FUT8: variants seen among roughly 807,000 people sequenced by gnomAD.
The protein encoded by FUT8 is alpha-(1,6)-fucosyltransferase.
In FUT8, 29 loss-of-function variants were observed where a neutral mutation model predicts 71.3. That is an observed-to-expected ratio of 0.41 (90% CI 0.30 to 0.55). FUT8 has a LOEUF of 0.55. Ranked by LOEUF, FUT8 falls within the 20% of genes least tolerant of loss-of-function variation. The pLI, the probability that FUT8 is intolerant of heterozygous loss-of-function variation, is 0.34. For missense variants in FUT8, 544 were observed against 702.1 expected (o/e 0.77, Z 2.55); for synonymous variants, 254 against 239.3 (o/e 1.06, Z -0.57).
chr14:65,455,459 A>T (rs1244780908), intron 1 of FUT8, among the ~76,000 whole-genome samples, 162 bp from the exon 2 acceptor site: 1 of 152,202 alleles, frequency 6.6e-6, no homozygotes, highest in Admixed American at 6.5e-5. Flanking sequence ...TTTTGTTGAC[A>T]TTTGGAAAGT....
rs1175231076 is a variant in FUT8 at position 65,603,725 on chromosome 14, C to T, written c.204-12253C>T. 6.6e-6 allele frequency among the ~76,000 whole-genome samples: 1 copy of T among 151,596 alleles called. No individual in the cohort carries two copies. The highest frequency in any genetic ancestry group is 1.5e-5 in the Non-Finnish European group (1 of 67,848). On this transcript the variant is annotated intron_variant, in intron 3 of 10. Transcript: ENST00000673929. This position sits in a 1 kb window ranked among gnomAD's most constrained non-coding sequence, Gnocchi z 4.5. ...TAAAAAAAAATCCAAGGTATACAGGCAACAGATAGGACGATGAATGGAATA... is the reference window on the plus strand; with the variant it reads ...TAAAAAAAAATCCAAGGTATACAGGTAACAGATAGGACGATGAATGGAATA...
the FUT8 span, among the ~76,000 whole-genome samples, chr14:65,374,307 G>T: frequency 6.6e-6 from 1 of 152,056 alleles, no homozygotes; most frequent in East Asian, 1.9e-4. Flanking sequence ...TTATTTTATT[G>T]GTTTATATAC....
chr14:65,722,194 T>C (rs990188980), intron 8 of FUT8, among the ~76,000 whole-genome samples, 173 bp downstream of exon 8: 1 of 152,232 alleles, frequency 6.6e-6, no homozygotes, highest in Admixed American at 6.5e-5. Flanking sequence ...TTTGTTTGTT[T>C]ACTTAGAACA....
intron 7 of FUT8, among the ~76,000 whole-genome samples, chr14:65,671,477 C>G (rs1353882631): frequency 6.6e-6 from 1 of 152,098 alleles, no homozygotes; most frequent in African/African-American, 2.4e-5. Flanking sequence ...AAATGACTTA[C>G]CCAGGGTCAT....
intron 3 of FUT8, among the ~76,000 whole-genome samples, chr14:65,601,308 T>C (rs1888276779): frequency 1.3e-5 from 2 of 152,216 alleles, no homozygotes; most frequent in African/African-American, 2.4e-5. Flanking sequence ...CAAACTCTTA[T>C]AAAGCTTGAC....
At chr14:65,446,752 T>G (rs1214855889) in intron 1 of FUT8, among the ~76,000 whole-genome samples, 1 of 151,856 alleles carries the variant, frequency 6.6e-6, no homozygotes, top group Non-Finnish European at 1.5e-5. Flanking sequence ...CAAATTGTTG[T>G]TACATCTTTG....
chr14:65,453,934 C>A (rs1010809361), intron 1 of FUT8, among the ~76,000 whole-genome samples: 2 of 152,126 alleles, frequency 1.3e-5, no homozygotes, highest in Non-Finnish European at 2.9e-5. Flanking sequence ...CTTTGAATTT[C>A]CCTCTTGGCA....
intron 2 of FUT8, among the ~76,000 whole-genome samples, chr14:65,487,227 T>C (rs979772353): frequency 6.6e-6 from 1 of 152,004 alleles, no homozygotes; most frequent in African/African-American, 2.4e-5. Flanking sequence ...GAGGGGAGAA[T>C]TGATCATGTA....
intron 1 of FUT8, among the ~76,000 whole-genome samples, chr14:65,419,656 C>T (rs1276811876): frequency 1.3e-5 from 2 of 152,176 alleles, no homozygotes; most frequent in Admixed American, 6.5e-5. Context: ...AAAGTTGATT[C>T]TTTACAATTA....
intron 7 of FUT8, among the ~76,000 whole-genome samples, chr14:65,718,875 C>T (rs1200074397): frequency 6.6e-6 from 1 of 151,976 alleles, no homozygotes. Flanking sequence ...TTTTCTTTTG[C>T]TGCTTTTAGG....
At chr14:65,451,940 T>C (rs2065833110) in intron 1 of FUT8, among the ~76,000 whole-genome samples, 1 of 152,212 alleles carries the variant, frequency 6.6e-6, no homozygotes, top group African/African-American at 2.4e-5. Context: ...AAAACGGAGA[T>C]ATAAGCTCTC....
At chr14:65,461,105 C>A (rs1162600758) in intron 2 of FUT8, among the ~76,000 whole-genome samples, 1 of 152,116 alleles carries the variant, frequency 6.6e-6, no homozygotes, top group African/African-American at 2.4e-5. Flanking sequence ...GGTTAGCAGT[C>A]TGAAATCAAG....
At chr14:65,420,543 G>A (rs1202068696) in intron 1 of FUT8, among the ~76,000 whole-genome samples, 3 of 151,974 alleles carry the variant, frequency 2.0e-5, no homozygotes, top group Non-Finnish European at 4.4e-5. Context: ...ATGTATATCA[G>A]TATAGTACCT....
rs74839149 is a variant in FUT8, at chr14:65,578,936, G to T, written c.203+17170G>T. On this transcript the variant is annotated intron_variant, in intron 3 of 10. Transcript: ENST00000673929. The stretch of plus-strand genomic sequence containing the variant: ...ATGTATGCAAAAGCTGTTGCTTGGC[G>T]GGGGTATTTTACATCAGAAATGCTT... 5.7e-3 allele frequency among the ~76,000 whole-genome samples: 871 copies of T among 152,118 alleles called. 32 individuals carry two copies. In the East Asian group the frequency reaches 0.093, roughly 16 times the overall value.
chr14:65,575,568 TTTCCTTCCTTCCTTC>T (rs71126763), intron 3 of FUT8, among the ~76,000 whole-genome samples: 40,640 of 77,278 alleles, frequency 0.53, 8,379 homozygotes, highest in Non-Finnish European at 0.62. Context: ...CCCTCCCTTC[TTTCCTTCCTTCCTTC>T]TTCCTTCCTT....
At chr14:65,622,840 G>A (rs1455760734) in intron 5 of FUT8, among the ~76,000 whole-genome samples, 6 of 151,314 alleles carry the variant, frequency 4.0e-5, no homozygotes, top group African/African-American at 7.3e-5. Context: ...ATTTACCCCC[G>A]TAAGTGTTAA....
intron 1 of FUT8, among the ~76,000 whole-genome samples, chr14:65,450,500 C>T (rs1435762542): frequency 6.6e-6 from 1 of 152,146 alleles, no homozygotes; most frequent in Non-Finnish European, 1.5e-5. Context: ...ATTCTAGTTC[C>T]ACTAACGATA....
chr14:65,717,155 C>T (rs1412968260), intron 7 of FUT8, among the ~76,000 whole-genome samples: 7 of 130,438 alleles, frequency 5.4e-5, no homozygotes, highest in South Asian at 2.6e-4. Context: ...ATGGGGCGGC[C>T]GGGCAGAGGC....
chr14:65,734,192 T>G (rs745853143), intron 10 of FUT8, among the ~76,000 whole-genome samples: 3 of 152,044 alleles, frequency 2.0e-5, no homozygotes, highest in Non-Finnish European at 4.4e-5. Flanking sequence ...AATACACACA[T>G]GAAATAACTA....
Sources: allele counts gnomAD v4.1 joint callset (sites outside exome capture counted in the v4.1 genomes callset), GRCh38; gene constraint gnomAD v4.1.1; non-coding constraint Gnocchi (gnomAD v3.1); transcripts MANE v1.5; gene names NCBI Gene and HGNC (gene_info 2026-07-23, HGNC 2026-07-21).